The following COBL variants were observed in gnomAD, a reference collection of about 807,000 sequenced individuals.
COBL encodes the protein protein cordon-bleu.
In COBL, 51 loss-of-function variants were observed where a neutral mutation model predicts 98.8. The ratio of observed to expected loss-of-function variants is 0.52; its 90% CI spans 0.41 to 0.65. COBL has a LOEUF of 0.65. COBL is among the 30% of genes least tolerant of loss of function. The pLI, the probability that COBL is intolerant of heterozygous loss-of-function variation, is 0.00. For missense variants in COBL, 1,617 were observed against 1,617.5 expected (o/e 1.00, Z 0.01); for synonymous variants, 634 against 651.7 (o/e 0.97, Z 0.41).
chr7:51,081,964 G>A (rs968988547), intron 7 of COBL, among the ~76,000 whole-genome samples: 1 of 151,932 alleles, frequency 6.6e-6, no homozygotes, highest in African/African-American at 2.4e-5. Context: ...ATTTGCATTC[G>A]GAAGCATGTC....
At chr7:51,065,992 C>T (rs1309729883) in intron 7 of COBL, among the ~76,000 whole-genome samples, 2 of 152,316 alleles carry the variant, frequency 1.3e-5, no homozygotes, top group East Asian at 1.9e-4. Flanking sequence ...ACTTTGATCT[C>T]GGACTTCCAG....
chr7:51,030,939 C>A, intron 8 of COBL, 30 bp from the exon 9 acceptor site: 2 of 1,373,374 alleles, frequency 1.5e-6, no homozygotes, highest in Non-Finnish European at 2.1e-6. Context: ...AAGGAGCACT[C>A]ATTTCTCTTA....
chr7:51,021,837 C>A (rs1409493711), intron 12 of COBL, among the ~76,000 whole-genome samples: 1 of 152,192 alleles, frequency 6.6e-6, no homozygotes, highest in Non-Finnish European at 1.5e-5. Flanking sequence ...GCAAATGTCT[C>A]CTGTGACCAC....
At chr7:51,217,330 TTTTC>T (rs905213713) in intron 2 of COBL, among the ~76,000 whole-genome samples, 6 of 149,310 alleles carry the variant, frequency 4.0e-5, no homozygotes, top group African/African-American at 1.3e-4. Context: ...TGCCATTTTC[TTTTC>T]TTTTTCTTTT....
intron 3 of COBL, among the ~76,000 whole-genome samples, chr7:51,192,728 A>G (rs1790230258): frequency 6.6e-6 from 1 of 152,210 alleles, no homozygotes; most frequent in Admixed American, 6.5e-5. Context: ...CAATGAATAA[A>G]TATTTCTGAC....
At position 51,029,042 on chromosome 7, in the gene COBL, G is replaced by T. The variant is rs767554676; in HGVS notation, c.2054C>A (p.Pro685Gln). The T allele has an allele frequency of 1.2e-6, 2 of 1,614,158 alleles. No homozygotes were observed. ...DSNDKNAALA[P>Q]TSWHQRGQNP... ...TTGGCCTCGTTGGTGCCATGATGTTGGTGCCAAGGCAGCGTTTTTATCGTT... is the reference window on the plus strand; with the variant it reads ...TTGGCCTCGTTGGTGCCATGATGTTTGTGCCAAGGCAGCGTTTTTATCGTT... Residue 685 changes from proline to glutamine, a missense_variant, in exon 10 of 13, where the codon CCA (proline) becomes CAA (glutamine). By Grantham distance (76) the Pro-to-Gln change is moderately conservative. This residue lies in a region of COBL where 1,304 missense variants were observed against 1,282.0 expected (regional missense o/e 1.02). Transcript: ENST00000265136.
At chr7:51,108,612 T>C (rs1796534219) in intron 6 of COBL, among the ~76,000 whole-genome samples, 2 of 152,326 alleles carry the variant, frequency 1.3e-5, no homozygotes, top group South Asian at 2.1e-4. Context: ...ATTCCAAACA[T>C]GTATTCCCAT....
intron 1 of COBL, among the ~76,000 whole-genome samples, chr7:51,225,061 G>C (rs1166424582): frequency 6.6e-6 from 1 of 152,210 alleles, no homozygotes; most frequent in East Asian, 1.9e-4. Flanking sequence ...GTTTAGACCA[G>C]GCTTGTTCCC....
At chr7:51,082,824 G>A (rs1007964419) in intron 7 of COBL, among the ~76,000 whole-genome samples, 1 of 152,204 alleles carries the variant, frequency 6.6e-6, no homozygotes, top group African/African-American at 2.4e-5. Flanking sequence ...ACCACAAGGT[G>A]TGTGTTTAGC....
At chr7:51,253,426 C>G (rs1796919281) in intron 1 of COBL, among the ~76,000 whole-genome samples, 1 of 152,178 alleles carries the variant, frequency 6.6e-6, no homozygotes, top group Admixed American at 6.5e-5. Flanking sequence ...CACCTTCTTG[C>G]TTTCTAGCAC....
At chr7:51,197,531 T>C (rs1790710965) in intron 2 of COBL, among the ~76,000 whole-genome samples, 1 of 152,214 alleles carries the variant, frequency 6.6e-6, no homozygotes, top group South Asian at 2.1e-4. Flanking sequence ...GTCTACCAGG[T>C]CCATCTGATC....
chr7:51,283,522 T>C (rs775001207), intron 1 of COBL, among the ~76,000 whole-genome samples: 3 of 152,240 alleles, frequency 2.0e-5, no homozygotes, highest in Non-Finnish European at 2.9e-5. Context: ...TTCGCTCTTG[T>C]TGCCCAGGCT....
intron 7 of COBL, among the ~76,000 whole-genome samples, chr7:51,058,394 G>GT (rs1048335136): frequency 6.6e-6 from 1 of 152,120 alleles, no homozygotes; most frequent in African/African-American, 2.4e-5. Flanking sequence ...TCTACAAAAA[G>GT]TTTTAAAAAT....
intron 2 of COBL, among the ~76,000 whole-genome samples, chr7:51,214,834 G>C (rs1792871743): frequency 6.6e-6 from 1 of 152,154 alleles, no homozygotes; most frequent in Non-Finnish European, 1.5e-5. Context: ...ACTGTTCCCA[G>C]TGGCACACGC....
chr7:51,255,338 T>C (rs1470122220), intron 1 of COBL, among the ~76,000 whole-genome samples: 3 of 152,156 alleles, frequency 2.0e-5, no homozygotes, highest in African/African-American at 7.2e-5. Flanking sequence ...TTAAGATTCA[T>C]TCTCTGGGAA....
At chr7:51,155,760 T>G (rs2129028534) in intron 5 of COBL, among the ~76,000 whole-genome samples, 1 of 152,246 alleles carries the variant, frequency 6.6e-6, no homozygotes, top group South Asian at 2.1e-4. Context: ...TCAGTAAACC[T>G]AAACAGAAAA....
Position 51,029,561 on chromosome 7 carries a change from C to CT in COBL, c.1534dup (p.Ser512LysfsTer39), listed in dbSNP as rs1562818006. 2 of 1,604,538 alleles carry CT rather than the reference C, an allele frequency of 1.2e-6. No homozygotes were observed. The highest frequency in any genetic ancestry group is 1.7e-6 in the Non-Finnish European group (2 of 1,172,770). On this transcript the variant is annotated frameshift_variant, in exon 10 of 13. Transcript: ENST00000265136. LOFTEE classifies it high-confidence loss of function. Reference sequence around the variant, plus strand: ...ACCATGGATGGAGCTGGTGAGGGAGCTGGTGTCTGTTTCATAGCTGTCTTC... The same window carrying CT: ...ACCATGGATGGAGCTGGTGAGGGAGCTTGGTGTCTGTTTCATAGCTGTCTTC...
intron 5 of COBL, among the ~76,000 whole-genome samples, chr7:51,136,707 AG>A (rs1240654435): frequency 2.0e-5 from 3 of 152,228 alleles, no homozygotes; most frequent in African/African-American, 7.2e-5. Context: ...AAAAAGAGGA[AG>A]GAACTGATCA....
chr7:51,054,811 G>A (rs1383447067), intron 7 of COBL, among the ~76,000 whole-genome samples: 1 of 152,216 alleles, frequency 6.6e-6, no homozygotes, highest in East Asian at 1.9e-4. Flanking sequence ...CAAGATGCTT[G>A]GTAGCAGGAG....
Sources: gnomAD v4.1 joint callset for allele counts (sites outside exome capture counted in the v4.1 genomes callset) on GRCh38, gnomAD v4.1.1 for gene constraint, gnomAD v4.1.1 regional missense constraint, MANE v1.5 for transcripts, NCBI Gene and HGNC (gene_info 2026-07-23, HGNC 2026-07-21) for gene names.